The following MANBA variants were observed in gnomAD, a reference collection of about 807,000 sequenced individuals.
MANBA encodes the protein mannosidase beta.
A neutral mutation model predicts 111.1 loss-of-function variants in MANBA; 83 were observed. That is an observed-to-expected ratio of 0.75 (90% CI 0.63 to 0.90). MANBA has a LOEUF of 0.90. MANBA is among the 40% of genes least tolerant of loss of function. The probability of loss-of-function intolerance (pLI) is 0.00; values close to 1 mark genes in which losing one functional copy is unlikely to be tolerated. For synonymous variants in MANBA, 370 were observed against 378.7 expected (o/e 0.98, Z 0.27); for missense variants, 1,036 against 1,069.0 (o/e 0.97, Z 0.43).
At chr4:102,646,423 T>A (rs900662629) in intron 13 of MANBA, among the ~76,000 whole-genome samples, 1 of 152,122 alleles carries the variant, frequency 6.6e-6, no homozygotes, top group Non-Finnish European at 1.5e-5. Context: ...TTTGTCCTAG[T>A]TCTTATGATC....
intron 12 of MANBA, among the ~76,000 whole-genome samples, chr4:102,655,096 G>A (rs747488700): frequency 5.3e-5 from 8 of 151,940 alleles, no homozygotes; most frequent in Non-Finnish European, 7.4e-5. Context: ...TTACAATAGC[G>A]TCAGGAAGAA....
chr4:102,667,900 T>G (rs1176551054), intron 10 of MANBA: 3 of 152,190 alleles, frequency 2.0e-5, no homozygotes, highest in African/African-American at 7.2e-5. Flanking sequence ...GTCTCCACAG[T>G]CTTGCAAACT....
At chr4:102,753,585 T>C (rs1723889889) in intron 1 of MANBA, 1 of 152,268 alleles carries the variant, frequency 6.6e-6, no homozygotes, top group Admixed American at 6.5e-5. Flanking sequence ...ATTTTAAATA[T>C]AGGAACTATA....
chr4:102,741,724 GA>G (rs1243572168), intron 1 of MANBA, among the ~76,000 whole-genome samples: 1 of 152,190 alleles, frequency 6.6e-6, no homozygotes, highest in African/African-American at 2.4e-5. Context: ...CCTAAGCTAT[GA>G]GGATGCAAAA....
At chr4:102,687,089 T>C (rs1200625213) in intron 7 of MANBA, among the ~76,000 whole-genome samples, 1 of 152,068 alleles carries the variant, frequency 6.6e-6, no homozygotes, top group African/African-American at 2.4e-5. Context: ...ATGAACAGAG[T>C]TGCCCTGCCT....
chr4:102,689,656 T>C lies in MANBA; in HGVS notation c.878A>G (p.His293Arg), dbSNP rs1390934973. 3 of 1,607,548 alleles carry C rather than the reference T, an allele frequency of 1.9e-6. No homozygotes were observed. The highest frequency in any genetic ancestry group is 1.7e-5 in the Admixed American group (1 of 59,952). ...KNITVETWWP[H>R]GHGNQTGYNM... is the part of the protein sequence containing the mutation. The stretch of plus-strand genomic sequence containing the variant: ...GTACCCAGTCTGGTTTCCATGTCCA[T>C]GAGGCCACCAAGTTTCTACAGTAAT... The change falls in exon 7 of 17, where the codon CAT (histidine) becomes CGT (arginine). Residue 293 changes from histidine (H) to arginine (R), a missense_variant. Transcript: ENST00000647097.
intron 5 of MANBA, among the ~76,000 whole-genome samples, chr4:102,698,306 T>G (rs1339381597): frequency 1.3e-5 from 2 of 151,886 alleles, no homozygotes. Flanking sequence ...TTTTGTGGGT[T>G]GCCTGTTCAC....
intron 13 of MANBA, among the ~76,000 whole-genome samples, chr4:102,647,420 T>C (rs1279324948): frequency 1.3e-5 from 2 of 151,324 alleles, no homozygotes; most frequent in African/African-American, 2.4e-5. Flanking sequence ...CTATGGACCT[T>C]GAATGCTGAT....
At chr4:102,724,857 T>C (rs1295119633) in intron 2 of MANBA, among the ~76,000 whole-genome samples, 1 of 152,136 alleles carries the variant, frequency 6.6e-6, no homozygotes, top group Non-Finnish European at 1.5e-5. Context: ...ATAAATAAAA[T>C]GTGTTGTATT....
rs986053136 is a variant in MANBA at position 102,708,747 on chromosome 4, A to G, written c.673+5691T>C. Among the ~76,000 whole-genome samples the G allele has an allele frequency of 3.9e-5, 6 of 151,968 alleles. No individual in the cohort carries two copies. The South Asian group carries it at 8.3e-4, about 21-fold the overall frequency. On this transcript the variant is annotated intron_variant, in intron 5 of 16. Coordinates refer to ENST00000647097, the MANE Select transcript of MANBA (RefSeq NM_005908.4). ...TTGAAAACAAGATTGATAAACCCCT[A>G]TGTAGACTAATCAAGGAGAAGACCC... is the stretch of plus-strand genomic sequence containing the variant.
At chr4:102,748,130 G>C (rs947175108) in intron 1 of MANBA, among the ~76,000 whole-genome samples, 2 of 152,170 alleles carry the variant, frequency 1.3e-5, no homozygotes, top group Non-Finnish European at 2.9e-5. Flanking sequence ...GAGGCAGTTG[G>C]TGAAACCTTT....
intron 4 of MANBA, among the ~76,000 whole-genome samples, chr4:102,717,943 A>C (rs909413969): frequency 3.9e-5 from 6 of 152,220 alleles, no homozygotes; most frequent in Non-Finnish European, 5.9e-5. Context: ...CTGCTCTGTA[A>C]ATGATTAACT....
intron 6 of MANBA, among the ~76,000 whole-genome samples, chr4:102,689,922 A>G (rs2110243021): frequency 6.6e-6 from 1 of 152,304 alleles, no homozygotes; most frequent in South Asian, 2.1e-4. Flanking sequence ...ACAGAATAAC[A>G]TGAGTGTTCA....
intron 11 of MANBA, among the ~76,000 whole-genome samples, chr4:102,661,092 T>C (rs558947253): frequency 6.6e-6 from 1 of 152,306 alleles, no homozygotes; most frequent in South Asian, 2.1e-4. Flanking sequence ...CACCAGGCAC[T>C]GCTTGCTGCT....
In MANBA at chr4:102,726,795, C is replaced by T. The variant is rs112401359; in HGVS notation, c.178-112G>A. 114 of 685,432 alleles carry T rather than the reference C, an allele frequency of 1.7e-4. No individual in the cohort carries two copies. In the Middle Eastern group the frequency reaches 1.9e-3, roughly 12 times the overall value. 42.5% of individuals were successfully genotyped at this position (685,432 alleles called of 1,614,324 possible). ...CAGCTATTTATCACCTAAAAATTAA[C>T]GAACTTTTAGCCTAGTAGTACAAAG... On this transcript the variant is annotated intron_variant, in intron 1 of 16. Transcript: ENST00000647097.
At chr4:102,709,329 A>AG (rs1560788777) in intron 5 of MANBA, among the ~76,000 whole-genome samples, 5 of 131,628 alleles carry the variant, frequency 3.8e-5, no homozygotes, top group African/African-American at 1.6e-4. Flanking sequence ...GAAAAGAAAA[A>AG]GAAAGGAAGG....
intron 14 of MANBA, among the ~76,000 whole-genome samples, 188 bp downstream of exon 14, chr4:102,639,524 TA>T (rs1269958229): frequency 2.6e-5 from 4 of 152,180 alleles, no homozygotes; most frequent in African/African-American, 9.6e-5. Context: ...AGGTTGACCC[TA>T]AGGCTCATGG....
At chr4:102,719,376 G>A (rs1018999379) in intron 4 of MANBA, among the ~76,000 whole-genome samples, 6 of 152,166 alleles carry the variant, frequency 3.9e-5, no homozygotes, top group African/African-American at 1.2e-4. Context: ...CCTGAAAATC[G>A]CCGTTATTCT....
At chr4:102,738,360 C>T (rs1184351171) in intron 1 of MANBA, among the ~76,000 whole-genome samples, 2 of 152,238 alleles carry the variant, frequency 1.3e-5, no homozygotes, top group African/African-American at 4.8e-5. Flanking sequence ...TACTCCCCTG[C>T]CACCTCCACT....
Sources: allele counts gnomAD v4.1 joint callset (sites outside exome capture counted in the v4.1 genomes callset), GRCh38; gene constraint gnomAD v4.1.1; transcripts MANE v1.5; gene names NCBI Gene and HGNC (gene_info 2026-07-23, HGNC 2026-07-21).